Variants in TRIP11 observed in about 807,000 individuals in gnomAD.
The protein encoded by TRIP11 is thyroid receptor-interacting protein 11.
In TRIP11, 148 loss-of-function variants were observed where a neutral mutation model predicts 223.1. That is an observed-to-expected ratio of 0.66 (90% CI 0.58 to 0.76). TRIP11 has a LOEUF of 0.76. Among genes scored for constraint, TRIP11 ranks in the 30% least tolerant of loss-of-function variants. The pLI is 0.00. For synonymous variants in TRIP11, 762 were observed against 772.6 expected (o/e 0.99, Z 0.23); for missense variants, 2,043 against 2,222.0 (o/e 0.92, Z 1.62).
chr14:92,024,383 A>AG (rs1233683214), intron 3 of TRIP11, among the ~76,000 whole-genome samples: 1 of 152,076 alleles, frequency 6.6e-6, no homozygotes, highest in East Asian at 1.9e-4. Flanking sequence ...AAAAAAAAAA[A>AG]AAAATTATTT....
At chr14:92,023,138 T>G (rs2057135245) in intron 3 of TRIP11, among the ~76,000 whole-genome samples, 1 of 152,246 alleles carries the variant, frequency 6.6e-6, no homozygotes. Context: ...ATGCTTAATG[T>G]GCCCTCTAAT....
chr14:92,007,003 G>A (rs2056912815), intron 10 of TRIP11, among the ~76,000 whole-genome samples: 1 of 149,658 alleles, frequency 6.7e-6, no homozygotes, highest in African/African-American at 2.5e-5. Flanking sequence ...TTAGGGATAA[G>A]AATTTAAAAC....
chr14:91,970,133 G>A (rs976029854), intron 20 of TRIP11, among the ~76,000 whole-genome samples: 9 of 152,124 alleles, frequency 5.9e-5, no homozygotes, highest in Admixed American at 3.3e-4. Flanking sequence ...GCAGCCAGGC[G>A]CGGTGGCTCA....
At chr14:92,015,338 T>C (rs749330018) in intron 6 of TRIP11, among the ~76,000 whole-genome samples, 3 of 152,130 alleles carry the variant, frequency 2.0e-5, no homozygotes, top group Non-Finnish European at 2.9e-5. Context: ...ATCATTTAGT[T>C]ATGTCATCTA....
chr14:91,988,633 T>TAAAAAAAAA (rs749287959), intron 15 of TRIP11, among the ~76,000 whole-genome samples: 2 of 99,482 alleles, frequency 2.0e-5, no homozygotes, highest in African/African-American at 3.7e-5. Context: ...ATGACAGAAG[T>TAAAAAAAAA]AAAAAAAAAA....
chr14:92,027,061 G>A (rs1167650963), intron 2 of TRIP11, among the ~76,000 whole-genome samples: 2 of 152,138 alleles, frequency 1.3e-5, no homozygotes, highest in African/African-American at 4.8e-5. Flanking sequence ...CCCAAACCAT[G>A]AGAATTTGCA....
chr14:91,987,417 G>C (rs9671913), intron 16 of TRIP11, among the ~76,000 whole-genome samples: 5,413 of 152,176 alleles, frequency 0.036, 313 homozygotes, highest in African/African-American at 0.11. Context: ...TGCCTCCCTA[G>C]TGTCTAAGTC....
rs1286572668 is a variant in TRIP11 at position 92,005,010 on chromosome 14, T to C, written c.2966A>G (p.Asp989Gly). 1.7e-5 allele frequency: 28 copies of C among 1,614,062 alleles called. No individual in the cohort carries two copies. The highest frequency in any genetic ancestry group is 2.4e-5 in the Non-Finnish European group (28 of 1,180,032). ...TGTTTCTTGAAAAATATCAGAGTTA[T>C]CTGTTTGAATGTCCTGTCTTTCTTC... The part of the protein sequence containing the change: ...LHEERQDIQT[D>G]NSDIFQETKV... Residue 989 changes from aspartate to glycine, a missense_variant, in exon 11 of 21, where the codon GAT becomes GGT. By Grantham distance (94) the Asp-to-Gly change is moderately conservative. Coordinates refer to ENST00000267622, the MANE Select transcript of TRIP11 (RefSeq NM_004239.4).
chr14:92,039,472 C>G, intron 1 of TRIP11, 75 bp downstream of exon 1: 1 of 1,544,180 alleles, frequency 6.5e-7, no homozygotes, highest in Non-Finnish European at 8.9e-7. Context: ...CGTCTCCTGA[C>G]TGATGGAAGT....
chr14:91,979,312 A>C (rs1190748580), intron 16 of TRIP11, among the ~76,000 whole-genome samples: 1 of 151,866 alleles, frequency 6.6e-6, no homozygotes, highest in Admixed American at 6.6e-5. Flanking sequence ...AGACATCTTC[A>C]GAGTAAAATT....
At chr14:92,024,693 A>G (rs2057159604) in intron 3 of TRIP11, among the ~76,000 whole-genome samples, 3 of 152,206 alleles carry the variant, frequency 2.0e-5, no homozygotes, top group Non-Finnish European at 4.4e-5. Flanking sequence ...TCTGGACAAT[A>G]TAACAGGAAA....
At chr14:91,970,926 AAAAC>A (rs2056393991) in intron 20 of TRIP11, among the ~76,000 whole-genome samples, 1 of 152,226 alleles carries the variant, frequency 6.6e-6, no homozygotes, top group Admixed American at 6.5e-5. Context: ...ACAATAAAGA[AAAAC>A]AAACCCATAT....
intron 2 of TRIP11, among the ~76,000 whole-genome samples, chr14:92,031,048 G>A (rs2057258801): frequency 6.6e-6 from 1 of 152,024 alleles, no homozygotes; most frequent in African/African-American, 2.4e-5. Context: ...CCAGGAGTTT[G>A]AGACCAGCCT....
chr14:92,032,065 G>A (rs2057272639), intron 2 of TRIP11, among the ~76,000 whole-genome samples: 1 of 152,072 alleles, frequency 6.6e-6, no homozygotes, highest in South Asian at 2.1e-4. Flanking sequence ...CTCCCAAAGC[G>A]CTGAGATTAC....
chr14:92,006,594 C>A (rs2056906195), intron 10 of TRIP11, 146 bp from the exon 11 acceptor site: 1 of 896,176 alleles, frequency 1.1e-6, no homozygotes, highest in African/African-American at 1.7e-5. Context: ...ATCAAAAACA[C>A]CCACTACAAA....
rs115338613 is a variant in TRIP11 at position 92,032,013 on chromosome 14, C to T, written c.201+1179G>A. Reference sequence around the variant, plus strand: ...TTTTTTTATCTTTATTTTTTGTAACCGGTCTCAAACTCCTGGCCTCAAGCC... The same window carrying T: ...TTTTTTTATCTTTATTTTTTGTAACTGGTCTCAAACTCCTGGCCTCAAGCC... On this transcript the variant is annotated intron_variant, in intron 2 of 20. Transcript: ENST00000267622. 6.7e-3 allele frequency among the ~76,000 whole-genome samples: 1,024 copies of T among 152,000 alleles called. 10 individuals are homozygous for T. The highest frequency in any genetic ancestry group is 0.023 in the African/African-American group (959 of 41,486).
intron 6 of TRIP11, 145 bp downstream of exon 6, chr14:92,015,551 G>T: frequency 1.7e-6 from 1 of 578,724 alleles, no homozygotes; most frequent in Non-Finnish European, 2.9e-6. Flanking sequence ...CCAGCTACTT[G>T]GGAGGCTGAT....
chr14:91,994,585 AAC>A (rs1282692962), intron 14 of TRIP11, among the ~76,000 whole-genome samples: 1 of 152,212 alleles, frequency 6.6e-6, no homozygotes, highest in African/African-American at 2.4e-5. Flanking sequence ...ACCCTGAAGT[AAC>A]ACAGAGGTAC....
At chr14:91,988,869 C>A (rs2056638678) in intron 15 of TRIP11, among the ~76,000 whole-genome samples, 1 of 152,134 alleles carries the variant, frequency 6.6e-6, no homozygotes, top group African/African-American at 2.4e-5. Flanking sequence ...AACCTCTTTG[C>A]ATACATTGCC....
Sources: gnomAD v4.1 joint callset for allele counts (sites outside exome capture counted in the v4.1 genomes callset) on GRCh38, gnomAD v4.1.1 for gene constraint, MANE v1.5 for transcripts, NCBI Gene and HGNC (gene_info 2026-07-23, HGNC 2026-07-21) for gene names.